Variants in ALDH18A1 observed in about 807,000 individuals in gnomAD.
ALDH18A1 encodes delta-1-pyrroline-5-carboxylate synthase.
Under a neutral mutation model 88.8 loss-of-function variants are expected in ALDH18A1, and 44 were observed. That is an observed-to-expected ratio of 0.50 (90% CI 0.39 to 0.64). ALDH18A1 has a LOEUF of 0.64. ALDH18A1 is among the 30% of genes least tolerant of loss of function. The pLI is 0.00. For missense variants in ALDH18A1, 782 were observed against 1,009.5 expected (o/e 0.77, Z 3.05); for synonymous variants, 331 against 372.1 (o/e 0.89, Z 1.27).
At chr10:95,608,437 G>A (rs1589471461) in intron 17 of ALDH18A1, among the ~76,000 whole-genome samples, 1 of 152,276 alleles carries the variant, frequency 6.6e-6, no homozygotes, top group South Asian at 2.1e-4. Context: ...TAACAATTTG[G>A]TGAGAATTAT....
At chr10:95,627,387 C>G in intron 9 of ALDH18A1, 55 bp downstream of exon 9, 1 of 1,604,508 alleles carries the variant, frequency 6.2e-7, no homozygotes. Flanking sequence ...TCTAACTAAG[C>G]CAGGTGTCAC....
intron 2 of ALDH18A1, among the ~76,000 whole-genome samples, chr10:95,644,898 C>A (rs1470366261): frequency 6.6e-6 from 1 of 152,210 alleles, no homozygotes; most frequent in Non-Finnish European, 1.5e-5. Flanking sequence ...GAGCAGGGAT[C>A]CCTGATGGAT....
At chr10:95,641,259 G>A (rs1026650905) in intron 3 of ALDH18A1, among the ~76,000 whole-genome samples, 2 of 152,084 alleles carry the variant, frequency 1.3e-5, no homozygotes, top group African/African-American at 2.4e-5. Context: ...TGGACCCATC[G>A]CTCACTGTCA....
chr10:95,615,926 G>A (rs1420680274), intron 13 of ALDH18A1, among the ~76,000 whole-genome samples: 3 of 152,070 alleles, frequency 2.0e-5, no homozygotes, highest in Non-Finnish European at 4.4e-5. Context: ...CTGCTGTGAC[G>A]ATCAAATGAG....
intron 15 of ALDH18A1, 140 bp from the exon 16 acceptor site, chr10:95,611,582 T>G: frequency 1.1e-6 from 1 of 905,710 alleles, no homozygotes; most frequent in East Asian, 2.5e-5. Context: ...AGTCCTACTT[T>G]CCTCCCTCCA....
chr10:95,621,242 G>A lies in ALDH18A1; in HGVS notation c.1256C>T (p.Ala419Val). ...GCTTAAACGTTTCAGCAGAGGAGCT[G>A]CAAGTCTCCCTGAAAAGCCATTAAG... ...KDLEEAEGRL[A>V]APLLKRLSLS... Residue 419 changes from alanine (A) to valine (V), a missense_variant, in exon 12 of 18, where the codon GCA (alanine) becomes GTA (valine). Ala to Val is a moderately conservative substitution (Grantham distance 64, BLOSUM62 0). Transcript: ENST00000371224. 1 of 1,612,552 alleles carries A rather than the reference G, an allele frequency of 6.2e-7. No individual in the cohort carries two copies. The highest frequency in any genetic ancestry group is 8.5e-7 in the Non-Finnish European group (1 of 1,179,520).
At chr10:95,624,745 G>C (rs925678344) in intron 11 of ALDH18A1, among the ~76,000 whole-genome samples, 2 of 152,136 alleles carry the variant, frequency 1.3e-5, no homozygotes, top group Non-Finnish European at 2.9e-5. Context: ...ATGGCACCTG[G>C]TGCTAACTCA....
intron 5 of ALDH18A1, among the ~76,000 whole-genome samples, chr10:95,634,655 T>C (rs966853735): frequency 2.6e-5 from 4 of 152,198 alleles, no homozygotes; most frequent in Admixed American, 6.5e-5. Context: ...CACAACTTGG[T>C]TCAAGGGAGG....
At chr10:95,648,660 T>A (rs1397847069) in intron 2 of ALDH18A1, among the ~76,000 whole-genome samples, 1 of 152,186 alleles carries the variant, frequency 6.6e-6, no homozygotes, top group Non-Finnish European at 1.5e-5. Flanking sequence ...GTAGCTACCA[T>A]GCTTCCTGTT....
chr10:95,643,120 T>C lies in ALDH18A1; in HGVS notation c.175A>G (p.Lys59Glu). Residue 59 changes from lysine (K) to glutamate (E), a missense_variant, in exon 3 of 18, where the codon AAG (lysine) becomes GAG (glutamate). Lys to Glu is a moderately conservative substitution (Grantham distance 56). Transcript: ENST00000371224. ...AGCTCACTGCGGTGGGCGAAGGACT[T>C]GCCATGTGTACGACTGAGGGGTACA... ...ITVPLSRTHG[K>E]SFAHRSELKH... 1 of 1,614,208 alleles carries C rather than the reference T, an allele frequency of 6.2e-7. No homozygotes were observed.
chr10:95,612,945 T>A (rs1388832310), intron 15 of ALDH18A1, among the ~76,000 whole-genome samples: 1 of 152,222 alleles, frequency 6.6e-6, no homozygotes, highest in Non-Finnish European at 1.5e-5. Flanking sequence ...ATTTATAAGC[T>A]AACTGGAGCC....
intron 3 of ALDH18A1, among the ~76,000 whole-genome samples, chr10:95,639,867 A>G (rs1434153640): frequency 3.4e-5 from 5 of 149,136 alleles, no homozygotes; most frequent in Non-Finnish European, 7.4e-5. Context: ...TTGTGTCCTT[A>G]TGGTATTAAT....
intron 2 of ALDH18A1, among the ~76,000 whole-genome samples, chr10:95,648,032 A>T (rs1200213720): frequency 8.5e-5 from 13 of 152,200 alleles, no homozygotes; most frequent in African/African-American, 2.9e-4. Flanking sequence ...ACTCTAGCAA[A>T]TCAATCAAGC....
intron 2 of ALDH18A1, among the ~76,000 whole-genome samples, chr10:95,651,751 C>T (rs1484798045): frequency 6.6e-6 from 1 of 152,158 alleles, no homozygotes; most frequent in Admixed American, 6.5e-5. Flanking sequence ...CAAACACCTC[C>T]CACAGGCCCC....
intron 17 of ALDH18A1, among the ~76,000 whole-genome samples, 161 bp downstream of exon 17, chr10:95,610,036 C>T: frequency 6.6e-6 from 1 of 152,154 alleles, no homozygotes; most frequent in Admixed American, 6.5e-5. Flanking sequence ...TCCCAAAGTG[C>T]TGGGATTACA....
chr10:95,619,384 A>G (rs572089812), intron 12 of ALDH18A1, among the ~76,000 whole-genome samples: 1 of 152,340 alleles, frequency 6.6e-6, no homozygotes, highest in Non-Finnish European at 1.5e-5. Context: ...TATAGATTCG[A>G]TGCCATCCCC....
rs564905648 is a variant in ALDH18A1, at chr10:95,652,544, T to G, written c.88+746A>C. On this transcript the variant is annotated intron_variant, in intron 2 of 17. Coordinates refer to ENST00000371224, the MANE Select transcript of ALDH18A1 (RefSeq NM_002860.4). ...TGAGGTCAGGAGTTCGAGACCAGCC[T>G]GGCCAACATGGCGAAACCCTATTTC... Among the ~76,000 whole-genome samples the G allele has an allele frequency of 2.6e-5, 4 of 152,252 alleles. No individual in the cohort carries two copies. In the South Asian group the frequency reaches 8.3e-4, roughly 32 times the overall value.
chr10:95,610,292 T>C lies in ALDH18A1; in HGVS notation c.2111A>G (p.Glu704Gly). The C allele has an allele frequency of 6.2e-7, 1 of 1,613,992 alleles. No individual in the cohort carries two copies. Among genetic ancestry groups the C allele is most frequent in the South Asian group, 1.1e-5 (1 of 91,088 alleles). Residue 704 changes from glutamate to glycine, a missense_variant and splice_region_variant, in exon 17 of 18, where the codon GAA becomes GGA. Around this residue, in one of 3 missense-constraint regions of ALDH18A1, gnomAD observed 556 missense variants for 654.5 expected, o/e 0.85. Coordinates refer to ENST00000371224, the MANE Select transcript of ALDH18A1 (RefSeq NM_002860.4). ...SHTDVIVTED[E>G]NTAEFFLQHV... ...CTGCAGGAAGAACTCCGCTGTGTTT[T>C]CTGCAGGGTGAAGAAGGAGAAACCA...
intron 3 of ALDH18A1, among the ~76,000 whole-genome samples, chr10:95,641,935 C>T (rs1461039822): frequency 6.6e-6 from 1 of 152,136 alleles, no homozygotes; most frequent in Non-Finnish European, 1.5e-5. Flanking sequence ...AGTCACCACA[C>T]CCAACCGATT....
Sources: allele counts gnomAD v4.1 joint callset (sites outside exome capture counted in the v4.1 genomes callset), GRCh38; gene constraint gnomAD v4.1.1; regional missense constraint gnomAD v4.1.1; transcripts MANE v1.5; gene names NCBI Gene and HGNC (gene_info 2026-07-23, HGNC 2026-07-21).